WFDC8: variants seen among roughly 807,000 people sequenced by gnomAD.
The protein encoded by WFDC8 is WAP four-disulfide core domain 8, also known as WAP four-disulfide core domain protein 8.
Under a neutral mutation model 27.0 loss-of-function variants are expected in WFDC8, and 24 were observed. That is an observed-to-expected ratio of 0.89 (90% CI 0.64 to 1.25). WFDC8 has a LOEUF of 1.25. Among genes scored for constraint, WFDC8 ranks in the 50% most tolerant of loss-of-function variants. WFDC8 has a pLI of 0.00. For missense variants in WFDC8, 287 were observed against 295.9 expected (o/e 0.97, Z 0.22); for synonymous variants, 106 against 99.7 (o/e 1.06, Z -0.38).
At chr20:45,561,051 AGTT>A (rs1980449013) in intron 2 of WFDC8, among the ~76,000 whole-genome samples, 1 of 152,182 alleles carries the variant, frequency 6.6e-6, no homozygotes, top group African/African-American at 2.4e-5. Flanking sequence ...ACTGGGTTTG[AGTT>A]GTTGTAGCTC....
intron 3 of WFDC8, among the ~76,000 whole-genome samples, chr20:45,557,526 G>A (rs1013384943): frequency 2.6e-5 from 4 of 152,044 alleles, no homozygotes; most frequent in Non-Finnish European, 2.9e-5. Flanking sequence ...TCTGCCTCCC[G>A]AGTTCAAGCA....
At chr20:45,563,622 A>G (rs1390613122) in intron 1 of WFDC8, among the ~76,000 whole-genome samples, 1 of 152,272 alleles carries the variant, frequency 6.6e-6, no homozygotes, top group Admixed American at 6.5e-5. Context: ...ACAAATAATG[A>G]ATGGCAATAG....
At chr20:45,562,784 G>T (rs949822787) in intron 1 of WFDC8, among the ~76,000 whole-genome samples, 5 of 152,172 alleles carry the variant, frequency 3.3e-5, no homozygotes, top group Non-Finnish European at 7.3e-5. Flanking sequence ...CAGACAACCA[G>T]ATGAACAGAT....
At chr20:45,577,432 C>G (rs949613419) in intron 1 of WFDC8, among the ~76,000 whole-genome samples, 1 of 149,922 alleles carries the variant, frequency 6.7e-6, no homozygotes, top group Non-Finnish European at 1.5e-5. Flanking sequence ...TGGAGTCTCA[C>G]TCTGTCGCCA....
chr20:45,561,999 C>A (rs1252374433), intron 2 of WFDC8, 111 bp downstream of exon 2: 3 of 992,144 alleles, frequency 3.0e-6, no homozygotes, highest in Non-Finnish European at 4.6e-6. Context: ...TCTGTGGCCC[C>A]AAATCCACAG....
At chr20:45,579,199 A>G (rs752514200) in intron 1 of WFDC8, 23 bp downstream of exon 1, 17 of 1,612,174 alleles carry the variant, frequency 1.1e-5, no homozygotes, top group Non-Finnish European at 1.4e-5. Context: ...CTGGCTACCC[A>G]CCCCCATAGA....
At chr20:45,553,400 A>T (rs1158071799) in intron 4 of WFDC8, 124 bp from the exon 5 acceptor site, 1 of 1,181,608 alleles carries the variant, frequency 8.5e-7, no homozygotes, top group African/African-American at 1.5e-5. Flanking sequence ...TACCCTATCC[A>T]TCTCCAGTAG....
chr20:45,562,859 TTA>T (rs1449857989), intron 1 of WFDC8, among the ~76,000 whole-genome samples: 1 of 152,210 alleles, frequency 6.6e-6, no homozygotes, highest in Non-Finnish European at 1.5e-5. Flanking sequence ...TATGTATTTT[TTA>T]TTTTAAGGTG....
chr20:45,578,753 A>G (rs1017167026), intron 1 of WFDC8, among the ~76,000 whole-genome samples: 8 of 152,146 alleles, frequency 5.3e-5, no homozygotes, highest in African/African-American at 1.9e-4. Context: ...TCCTGTTTTA[A>G]TTTTTTGAAA....
intron 3 of WFDC8, 76 bp from the exon 4 acceptor site, chr20:45,555,944 C>G (rs575937709): frequency 6.9e-7 from 1 of 1,459,022 alleles, no homozygotes; most frequent in Admixed American, 1.8e-5. Context: ...TAGCATTTCT[C>G]ATAACTCCTG....
Position 45,560,404 on chromosome 20 carries a change from C to T in WFDC8, c.137-1412G>A, listed in dbSNP as rs116258184. ...CCTGGTAAGACCCGGAGCAAAGAACCCAGATGCACAATGCCAGACTTCTGA... is the reference window on the plus strand; with the variant it reads ...CCTGGTAAGACCCGGAGCAAAGAACTCAGATGCACAATGCCAGACTTCTGA... On this transcript the variant is annotated intron_variant, in intron 2 of 5. Transcript: ENST00000289953. 4.3e-3 allele frequency among the ~76,000 whole-genome samples: 661 copies of T among 152,296 alleles called. 4 individuals are homozygous for T. The highest frequency in any genetic ancestry group is 0.015 in the African/African-American group (632 of 41,568).
rs770598959 is a variant in WFDC8, at chr20:45,579,238, C to G, written c.10G>C (p.Val4Leu). 4 of 1,613,900 alleles carry G rather than the reference C, an allele frequency of 2.5e-6. No homozygotes were observed. The highest frequency in any genetic ancestry group is 3.4e-6 in the Non-Finnish European group (4 of 1,179,958). MWT[V>L]RTEGGHFPLH... is the part of the protein sequence containing the mutation. ...CCTCCTCACCCTCCTTCAGTTCGGA[C>G]AGTCCACATCAGGCCTCTTCCCTAT... The change falls in exon 1 of 6, where the codon GTC becomes CTC. Residue 4 changes from valine (V) to leucine (L), a missense_variant. Coordinates refer to ENST00000289953, the MANE Select transcript of WFDC8 (RefSeq NM_130896.3).
At chr20:45,552,295 A>G (rs908896866) in intron 5 of WFDC8, 130 bp from the exon 6 acceptor site, 4 of 1,083,644 alleles carry the variant, frequency 3.7e-6, no homozygotes, top group Non-Finnish European at 5.3e-6. Flanking sequence ...CCCTACAGTA[A>G]CAATAGACTG....
At position 45,569,106 on chromosome 20, in the gene WFDC8, A is replaced by G. The variant is rs376702605; in HGVS notation, c.27-6887T>C. 4.0e-4 allele frequency among the ~76,000 whole-genome samples: 61 copies of G among 152,294 alleles called. No individual in the cohort carries two copies. In the East Asian group the frequency reaches 0.011, roughly 26 times the overall value. ...CCAAATCCAATCCTGCTTGATTTTC[A>G]GGGGGTCTGCAGATGACCTTTCACA... On this transcript the variant is annotated intron_variant, in intron 1 of 5. Coordinates refer to ENST00000289953, the MANE Select transcript of WFDC8 (RefSeq NM_130896.3).
At chr20:45,573,145 C>T (rs1318718631) in intron 1 of WFDC8, among the ~76,000 whole-genome samples, 1 of 152,126 alleles carries the variant, frequency 6.6e-6, no homozygotes. Flanking sequence ...TCTAGTTTTA[C>T]TTCTGTTTCT....
chr20:45,567,116 A>G (rs958872099), intron 1 of WFDC8, among the ~76,000 whole-genome samples: 9 of 152,136 alleles, frequency 5.9e-5, no homozygotes, highest in African/African-American at 2.2e-4. Flanking sequence ...GAACGTGTGG[A>G]TATGGAGGGC....
chr20:45,564,739 G>A (rs1430492953), intron 1 of WFDC8, among the ~76,000 whole-genome samples: 11 of 151,668 alleles, frequency 7.3e-5, no homozygotes, highest in Admixed American at 2.0e-4. Flanking sequence ...CTACTTAGGA[G>A]GCTGAGCTGG....
chr20:45,557,095 A>T (rs1980288000), intron 3 of WFDC8, among the ~76,000 whole-genome samples: 1 of 152,218 alleles, frequency 6.6e-6, no homozygotes, highest in Non-Finnish European at 1.5e-5. Flanking sequence ...ATCAACAGAA[A>T]GGGCCAATTC....
chr20:45,578,342 T>C (rs1173052795), intron 1 of WFDC8, among the ~76,000 whole-genome samples: 33 of 151,460 alleles, frequency 2.2e-4, no homozygotes. Flanking sequence ...TTTTTATTAC[T>C]TTGGTGTACA....
Sources: allele counts gnomAD v4.1 joint callset (sites outside exome capture counted in the v4.1 genomes callset), GRCh38; gene constraint gnomAD v4.1.1; transcripts MANE v1.5; gene names NCBI Gene and HGNC (gene_info 2026-07-23, HGNC 2026-07-21).